Variants in MEIKIN observed in about 807,000 individuals in gnomAD.
MEIKIN encodes meiotic kinetochore factor.
At chr5:131,839,477 G>A (rs1184434647) in intron 11 of MEIKIN, among the ~76,000 whole-genome samples, 1 of 152,134 alleles carries the variant, frequency 6.6e-6, no homozygotes, top group African/African-American at 2.4e-5. Flanking sequence ...CTATTATTGT[G>A]TGAAAGTCTA....
chr5:131,848,863 A>C (rs1750062383), intron 11 of MEIKIN, among the ~76,000 whole-genome samples: 7 of 152,216 alleles, frequency 4.6e-5, no homozygotes, highest in Admixed American at 4.6e-4. Context: ...AGGATGGTTC[A>C]ACATACAAAA....
intron 9 of MEIKIN, among the ~76,000 whole-genome samples, chr5:131,874,337 A>G (rs1470040484): frequency 6.6e-6 from 1 of 152,268 alleles, no homozygotes; most frequent in Admixed American, 6.5e-5. Flanking sequence ...CCACAGAAAT[A>G]CAAACTACCA....
intron 9 of MEIKIN, among the ~76,000 whole-genome samples, chr5:131,856,213 T>G (rs932467268): frequency 1.3e-5 from 2 of 152,216 alleles, no homozygotes; most frequent in African/African-American, 4.8e-5. Flanking sequence ...TTATTCTACC[T>G]CTAGGGACTG....
intron 11 of MEIKIN, among the ~76,000 whole-genome samples, chr5:131,849,374 T>C (rs1177674208): frequency 6.8e-6 from 1 of 146,226 alleles, no homozygotes; most frequent in Non-Finnish European, 1.5e-5. Context: ...TTTCTTTATA[T>C]ATATAAAGAA....
At chr5:131,917,944 T>TC in intron 6 of MEIKIN, among the ~76,000 whole-genome samples, 1 of 152,140 alleles carries the variant, frequency 6.6e-6, no homozygotes, top group East Asian at 1.9e-4. Flanking sequence ...TCATTTTTTT[T>TC]CCCCCGAGGG....
At chr5:131,916,704 GT>G (rs757907714) in intron 7 of MEIKIN, among the ~76,000 whole-genome samples, 181 bp downstream of exon 7, 1 of 152,132 alleles carries the variant, frequency 6.6e-6, no homozygotes, top group Non-Finnish European at 1.5e-5. Context: ...CAGAGATTTC[GT>G]TTTTAATCAA....
At chr5:131,883,936 T>C (rs1561743440) in intron 8 of MEIKIN, among the ~76,000 whole-genome samples, 1 of 152,180 alleles carries the variant, frequency 6.6e-6, no homozygotes, top group East Asian at 1.9e-4. Flanking sequence ...TGGGCTGAAC[T>C]CAGCTGGTGC....
intron 9 of MEIKIN, among the ~76,000 whole-genome samples, chr5:131,864,441 T>C (rs534743343): frequency 6.6e-6 from 1 of 152,322 alleles, no homozygotes; most frequent in East Asian, 1.9e-4. Flanking sequence ...CGGCATTTGA[T>C]TGTCTGGGAA....
rs548681651 is a variant in MEIKIN at position 131,829,541 on chromosome 5, A to C, written c.976-10678T>G. Among the ~76,000 whole-genome samples, 4 of 152,306 alleles carry C rather than the reference A, an allele frequency of 2.6e-5. No individual in the cohort carries two copies. The South Asian group carries it at 8.3e-4, about 32-fold the overall frequency. On this transcript the variant is annotated intron_variant, in intron 11 of 12. Transcript: ENST00000442687. ...TTGAAATTTGTGGTAAATTTGGTGA[A>C]TCTGAAGATCTAGAGAGGCAATATA... is the stretch of plus-strand genomic sequence containing the variant.
At chr5:131,855,041 C>A (rs1335496623) in intron 9 of MEIKIN, among the ~76,000 whole-genome samples, 1 of 152,146 alleles carries the variant, frequency 6.6e-6, no homozygotes, top group African/African-American at 2.4e-5. Context: ...TCCAAGAGAA[C>A]TCTATATGGC....
chr5:131,892,897 C>T (rs181684779), intron 8 of MEIKIN, among the ~76,000 whole-genome samples: 87 of 152,056 alleles, frequency 5.7e-4, no homozygotes, highest in Middle Eastern at 3.4e-3. Flanking sequence ...GTTTTTGGTG[C>T]GGATGTCCTT....
intron 9 of MEIKIN, among the ~76,000 whole-genome samples, chr5:131,860,601 T>C (rs1750267193): frequency 9.5e-6 from 1 of 105,140 alleles, no homozygotes; most frequent in Non-Finnish European, 2.0e-5. Flanking sequence ...CCCACCACCA[T>C]GCCAGGATAA....
chr5:131,941,854 C>T (rs1324631036), intron 4 of MEIKIN, among the ~76,000 whole-genome samples: 2 of 152,210 alleles, frequency 1.3e-5, no homozygotes, highest in Non-Finnish European at 2.9e-5. Context: ...AAACAGTAGT[C>T]ATCTTTGACA....
intron 4 of MEIKIN, among the ~76,000 whole-genome samples, chr5:131,942,339 CAGATCTTAATTCAATT>C (rs1488871676): frequency 2.0e-5 from 3 of 152,226 alleles, no homozygotes; most frequent in Non-Finnish European, 4.4e-5. Context: ...TACTCTCCTT[CAGATCTTAATTCAATT>C]ACCATTCCCT....
intron 11 of MEIKIN, among the ~76,000 whole-genome samples, chr5:131,827,679 A>C (rs1353079643): frequency 1.3e-5 from 2 of 152,212 alleles, no homozygotes; most frequent in Non-Finnish European, 1.5e-5. Flanking sequence ...CATAACAATC[A>C]TAAACATGCA....
chr5:131,904,818 A>G (rs1751217540), intron 8 of MEIKIN, among the ~76,000 whole-genome samples: 1 of 152,240 alleles, frequency 6.6e-6, no homozygotes, highest in Non-Finnish European at 1.5e-5. Context: ...GCCATAAAAA[A>G]TGATGAGTTC....
chr5:131,913,355 C>T (rs557364767), intron 7 of MEIKIN, among the ~76,000 whole-genome samples: 122 of 152,312 alleles, frequency 8.0e-4, no homozygotes, highest in Admixed American at 3.0e-3. Flanking sequence ...ATGTCAAACT[C>T]TGAAAGTATA....
In MEIKIN at chr5:131,815,140, T is replaced by G. The variant is rs554379130; in HGVS notation, c.1099+3600A>C. On this transcript the variant is annotated intron_variant, in intron 12 of 12. Transcript: ENST00000442687. ...CCCATTGTCATATTCCATACAACAT[T>G]GCTTCTGATCAAGGAACTCACGTCA... Among the ~76,000 whole-genome samples, 519 of 152,216 alleles carry G rather than the reference T, an allele frequency of 3.4e-3. 1 individual carries two copies. Among genetic ancestry groups the G allele is most frequent in the Non-Finnish European group, 5.7e-3 (389 of 68,030 alleles).
intron 8 of MEIKIN, among the ~76,000 whole-genome samples, chr5:131,906,947 A>T (rs1751252828): frequency 6.6e-6 from 1 of 152,210 alleles, no homozygotes; most frequent in Non-Finnish European, 1.5e-5. Context: ...TCTGCACACC[A>T]AACTACTGTA....
Sources: gnomAD v4.1 joint callset for allele counts (sites outside exome capture counted in the v4.1 genomes callset) on GRCh38, gnomAD v4.1.1 for gene constraint, MANE v1.5 for transcripts, NCBI Gene and HGNC (gene_info 2026-07-23, HGNC 2026-07-21) for gene names.